The following PCDHA8 variants were observed in gnomAD, a reference collection of about 807,000 sequenced individuals.
PCDHA8 encodes the protein protocadherin alpha 8.
In PCDHA8, 53 loss-of-function variants were observed where a neutral mutation model predicts 61.8. That is an observed-to-expected ratio of 0.86 (90% confidence interval 0.69 to 1.08). PCDHA8 has a LOEUF of 1.08. Among genes scored for constraint, PCDHA8 ranks in the 50% least tolerant of loss-of-function variants. The probability of loss-of-function intolerance (pLI) is 0.00; values close to 1 mark genes in which losing one functional copy is unlikely to be tolerated. For missense variants in PCDHA8, 1,293 were observed against 1,245.0 expected (o/e 1.04, Z -0.58); for synonymous variants, 618 against 556.6 (o/e 1.11, Z -1.55).
At position 140,841,270 on chromosome 5, in the gene PCDHA8, C is replaced by T; in HGVS notation, c.-52C>T. Reference sequence around the variant, plus strand: ...GATTAAAAGACTCTGAAAGTACAGTCGTTCATCTTTATATTAAGATAATAT... The same window carrying T: ...GATTAAAAGACTCTGAAAGTACAGTTGTTCATCTTTATATTAAGATAATAT... On this transcript the variant is annotated 5_prime_UTR_variant, in exon 1 of 4. Coordinates refer to ENST00000531613, the MANE Select transcript of PCDHA8 (RefSeq NM_018911.3). 6.5e-7 allele frequency: 1 copy of T among 1,529,280 alleles called. No homozygotes were observed. Among genetic ancestry groups the T allele is most frequent in the Non-Finnish European group, 8.8e-7 (1 of 1,137,996 alleles). 94.7% of individuals were successfully genotyped at this position (1,529,280 alleles called of 1,614,324 possible).
Position 140,926,904 on chromosome 5 carries a change from T to G in PCDHA8, c.2395-52045T>G, listed in dbSNP as rs150445810. Reference sequence around the variant, plus strand: ...CGCCTAGAGGGAGGATGGTGGGCTGTGGGGTGGCAGTTTTATGTTTGTGGG... The same window carrying G: ...CGCCTAGAGGGAGGATGGTGGGCTGGGGGGTGGCAGTTTTATGTTTGTGGG... On this transcript the variant is annotated intron_variant, in intron 1 of 3. Transcript: ENST00000531613. 5,017 of 1,557,626 alleles carry G rather than the reference T, an allele frequency of 3.2e-3. 25 individuals carry two copies. Among genetic ancestry groups the G allele is most frequent in the African/African-American group, 0.019 (1,427 of 73,544 alleles).
intron 1 of PCDHA8, chr5:140,876,735 T>C (rs782576636): frequency 2.0e-5 from 33 of 1,614,084 alleles, no homozygotes; most frequent in Non-Finnish European, 2.7e-5. Context: ...TGTCGGCCTA[T>C]GAGCTGGTGG....
intron 1 of PCDHA8, chr5:140,850,460 G>A (rs2150485288): frequency 1.3e-6 from 2 of 1,597,976 alleles, no homozygotes; most frequent in Non-Finnish European, 1.7e-6. Flanking sequence ...AAGACCACGG[G>A]GAGCCAGCGC....
At chr5:140,885,203 C>A (rs1348633653) in intron 1 of PCDHA8, among the ~76,000 whole-genome samples, 2 of 151,986 alleles carry the variant, frequency 1.3e-5, no homozygotes, top group African/African-American at 2.4e-5. Flanking sequence ...TCTCATATAT[C>A]CCATGAAAAA....
intron 1 of PCDHA8, among the ~76,000 whole-genome samples, chr5:140,956,898 T>G (rs1554222699): frequency 6.6e-6 from 1 of 152,218 alleles, no homozygotes; most frequent in Admixed American, 6.6e-5. Flanking sequence ...ATGAATATTC[T>G]TAAATGTATA....
rs2150319932 is a variant in PCDHA8 at position 140,841,641 on chromosome 5, A to T, written c.320A>T (p.Glu107Val). 4.3e-6 allele frequency: 7 copies of T among 1,613,950 alleles called. No individual in the cohort carries two copies. The highest frequency in any genetic ancestry group is 5.1e-6 in the Non-Finnish European group (6 of 1,179,994). ...GRSAECSIHLEVIVDRPLQVF... is the reference protein window; with the variant it reads ...GRSAECSIHLVVIVDRPLQVF... ...AGCGCGGAGTGCAGCATCCACCTGG[A>T]GGTGATCGTGGACAGGCCGCTGCAG... Residue 107 changes from glutamate to valine, a missense_variant, in exon 1 of 4, where the codon GAG becomes GTG. Coordinates refer to ENST00000531613, the MANE Select transcript of PCDHA8 (RefSeq NM_018911.3).
At chr5:140,871,131 G>A (rs781968741) in intron 1 of PCDHA8, 2 of 1,613,386 alleles carry the variant, frequency 1.2e-6, no homozygotes, top group South Asian at 2.2e-5. Flanking sequence ...AGGCGCCAAA[G>A]GCCTCTTCCC....
intron 1 of PCDHA8, among the ~76,000 whole-genome samples, chr5:140,971,989 T>C (rs1183313679): frequency 1.3e-5 from 2 of 152,170 alleles, no homozygotes; most frequent in African/African-American, 4.8e-5. Context: ...AGACAGAAGT[T>C]CCAATGTTTA....
At chr5:140,981,630 A>G (rs1299640748) in intron 2 of PCDHA8, among the ~76,000 whole-genome samples, 1 of 152,110 alleles carries the variant, frequency 6.6e-6, no homozygotes, top group East Asian at 1.9e-4. Flanking sequence ...GTTTTCTTGG[A>G]CATTTTCTCT....
At chr5:140,850,167 G>C (rs2041389844) in intron 1 of PCDHA8, 2 of 1,594,718 alleles carry the variant, frequency 1.3e-6, no homozygotes, top group African/African-American at 1.3e-5. Flanking sequence ...CGTGCTGGAC[G>C]AGAACGACAA....
intron 1 of PCDHA8, among the ~76,000 whole-genome samples, chr5:140,959,018 A>T (rs1374346226): frequency 6.6e-6 from 1 of 152,078 alleles, no homozygotes; most frequent in Non-Finnish European, 1.5e-5. Flanking sequence ...TTTATACATT[A>T]AGCTTTATCA....
intron 1 of PCDHA8, among the ~76,000 whole-genome samples, chr5:140,934,025 A>C (rs190533956): frequency 1.2e-3 from 183 of 152,100 alleles, no homozygotes; most frequent in Non-Finnish European, 2.2e-3. Flanking sequence ...ACTTGGAAGT[A>C]GTTTATTAAT....
rs912184171 is a variant in PCDHA8 at position 140,852,142 on chromosome 5, T to G, written c.2394+8427T>G. 6 of 876,650 alleles carry G rather than the reference T, an allele frequency of 6.8e-6. No individual in the cohort carries two copies. In the African/African-American group the frequency reaches 1.1e-4, roughly 16 times the overall value. The allele number at this position is 876,650 out of a possible 1,614,324, so 54.3% of individuals were successfully genotyped here. ...TAATTAAAAACTCAGTAGAGAAAGA[T>G]CAGAATGGCCTTGAGAATAGAGCCA... On this transcript the variant is annotated intron_variant, in intron 1 of 3. Transcript: ENST00000531613.
intron 1 of PCDHA8, among the ~76,000 whole-genome samples, chr5:140,921,272 C>T (rs2080137544): frequency 6.6e-6 from 1 of 152,074 alleles, no homozygotes; most frequent in African/African-American, 2.4e-5. Context: ...TTTATACTTA[C>T]TTGAAAAAAA....
intron 1 of PCDHA8, chr5:140,858,627 T>A: frequency 1.8e-6 from 2 of 1,097,414 alleles, no homozygotes; most frequent in South Asian, 1.7e-5. Flanking sequence ...ACCCAGTGTG[T>A]CAGCCTTTGA....
At chr5:140,882,644 A>T in intron 1 of PCDHA8, 1 of 1,614,256 alleles carries the variant, frequency 6.2e-7, no homozygotes. Flanking sequence ...GGTGAGGGAC[A>T]TTAACGACAA....
chr5:140,945,048 A>G (rs2093731802), intron 1 of PCDHA8, among the ~76,000 whole-genome samples: 1 of 152,182 alleles, frequency 6.6e-6, no homozygotes, highest in South Asian at 2.1e-4. Context: ...GGTCTTATAT[A>G]AAGAAAACCC....
intron 1 of PCDHA8, chr5:140,967,843 T>G (rs782701780): frequency 6.2e-7 from 1 of 1,614,102 alleles, no homozygotes; most frequent in East Asian, 2.2e-5. Flanking sequence ...TGGACGTGAA[T>G]GACAATGCCC....
Position 140,929,116 on chromosome 5 carries a change from A to G in PCDHA8, c.2395-49833A>G, listed in dbSNP as rs535394812. The G allele has an allele frequency of 2.9e-5, 47 of 1,614,170 alleles. No homozygotes were observed. The East Asian group carries it at 8.9e-4, about 31-fold the overall frequency. Reference sequence around the variant, plus strand: ...AAATCCTTGCATGACATCAGCCACCATAGATGTCACTACAGTTGAGAGACT... The same window carrying G: ...AAATCCTTGCATGACATCAGCCACCGTAGATGTCACTACAGTTGAGAGACT... On this transcript the variant is annotated intron_variant, in intron 1 of 3. Coordinates refer to ENST00000531613, the MANE Select transcript of PCDHA8 (RefSeq NM_018911.3).
Sources: allele counts gnomAD v4.1 joint callset (sites outside exome capture counted in the v4.1 genomes callset), GRCh38; gene constraint gnomAD v4.1.1; transcripts MANE v1.5; gene names NCBI Gene and HGNC (gene_info 2026-07-23, HGNC 2026-07-21).